ACER3: variants seen among roughly 807,000 people sequenced by gnomAD.
ACER3 encodes the protein alkaline ceramidase 3.
A neutral mutation model predicts 48.9 loss-of-function variants in ACER3; 16 were observed. The ratio of observed to expected loss-of-function variants is 0.33; its 90% CI spans 0.22 to 0.50. The LOEUF is 0.50. Ranked by LOEUF, ACER3 falls within the 20% of genes least tolerant of loss-of-function variation. The pLI is 0.98. For synonymous variants in ACER3, 109 were observed against 107.8 expected (o/e 1.01, Z -0.07); for missense variants, 227 against 326.0 (o/e 0.70, Z 2.34).
At chr11:76,995,343 G>A (rs569681164) in intron 6 of ACER3, among the ~76,000 whole-genome samples, 1 of 152,160 alleles carries the variant, frequency 6.6e-6, no homozygotes, top group East Asian at 1.9e-4. Flanking sequence ...ACTTCATTCA[G>A]GTCTCTGCTT....
In ACER3 at chr11:76,899,086, GAGAA is replaced by G. The variant is rs572015942; in HGVS notation, c.104-27468_104-27465del. Among the ~76,000 whole-genome samples the G allele has an allele frequency of 2.6e-5, 4 of 152,162 alleles. No homozygotes were observed. In the South Asian group the frequency reaches 8.3e-4, roughly 32 times the overall value. ...TGAAAACCCATGCCAAGATTTCAAA[GAGAA>G]AGCACTATTTGTTAATTAAAGAATA... On this transcript the variant is annotated intron_variant, in intron 1 of 10. Transcript: ENST00000532485.
At chr11:76,941,201 T>C (rs2134925103) in intron 2 of ACER3, among the ~76,000 whole-genome samples, 1 of 152,294 alleles carries the variant, frequency 6.6e-6, no homozygotes, top group South Asian at 2.1e-4. Flanking sequence ...CCATAACAAC[T>C]GCTTAACTGA....
intron 3 of ACER3, among the ~76,000 whole-genome samples, chr11:76,960,233 A>G (rs963886383): frequency 2.6e-5 from 4 of 151,772 alleles, no homozygotes; most frequent in African/African-American, 9.7e-5. Context: ...ACATGTGGAA[A>G]CCCCGTCTCT....
intron 1 of ACER3, among the ~76,000 whole-genome samples, chr11:76,875,824 G>A (rs946587381): frequency 1.6e-5 from 2 of 126,038 alleles, no homozygotes; most frequent in East Asian, 2.7e-4. Context: ...CAACCTCCCC[G>A]TCCCAGGTTC....
chr11:76,907,889 T>C (rs936700507), intron 1 of ACER3, among the ~76,000 whole-genome samples: 1 of 151,060 alleles, frequency 6.6e-6, no homozygotes, highest in Non-Finnish European at 1.5e-5. Context: ...AAAATAAAAA[T>C]AAGCCAATAA....
At chr11:76,981,901 A>G (rs953308060) in intron 4 of ACER3, among the ~76,000 whole-genome samples, 1 of 152,216 alleles carries the variant, frequency 6.6e-6, no homozygotes, top group Non-Finnish European at 1.5e-5. Context: ...TATACCTAGA[A>G]GTGGAATTTC....
chr11:76,930,511 T>G (rs1946967827), intron 2 of ACER3, among the ~76,000 whole-genome samples: 3 of 152,100 alleles, frequency 2.0e-5, no homozygotes, highest in Admixed American at 1.3e-4. Context: ...CTCTTAGCTT[T>G]TGAATGTGTT....
chr11:77,008,976 C>A (rs1949208240), intron 7 of ACER3, among the ~76,000 whole-genome samples: 1 of 152,160 alleles, frequency 6.6e-6, no homozygotes, highest in Admixed American at 6.5e-5. Context: ...GGGAGAATCA[C>A]TTGATCCCAG....
chr11:76,997,683 A>AC (rs1461684144), intron 6 of ACER3, among the ~76,000 whole-genome samples: 3 of 151,224 alleles, frequency 2.0e-5, no homozygotes, highest in Admixed American at 1.3e-4. Flanking sequence ...TAAAAAGAAA[A>AC]AAAATTAGCC....
chr11:76,910,879 T>C (rs1946362435), intron 1 of ACER3, among the ~76,000 whole-genome samples: 1 of 152,234 alleles, frequency 6.6e-6, no homozygotes, highest in Non-Finnish European at 1.5e-5. Context: ...GATTATTATA[T>C]GATAGAACAT....
At chr11:76,975,356 G>A (rs1948413751) in intron 3 of ACER3, among the ~76,000 whole-genome samples, 1 of 151,874 alleles carries the variant, frequency 6.6e-6, no homozygotes, top group Admixed American at 6.6e-5. Context: ...CTCTAAGATT[G>A]GTATCTACAA....
At chr11:76,979,411 G>T (rs1440705023) in intron 4 of ACER3, among the ~76,000 whole-genome samples, 1 of 152,162 alleles carries the variant, frequency 6.6e-6, no homozygotes, top group African/African-American at 2.4e-5. Context: ...GACCCATATG[G>T]TGTCAAGCCC....
rs781792877 is a variant in ACER3 at position 77,023,383 on chromosome 11, A to G, written c.*3056A>G. 2 of 379,324 alleles carry G rather than the reference A, an allele frequency of 5.3e-6. No homozygotes were observed. The highest frequency in any genetic ancestry group is 4.1e-5 in the African/African-American group (2 of 48,334). The allele number at this position is 379,324 out of a possible 1,614,324, so 23.5% of individuals were successfully genotyped here. On this transcript the variant is annotated 3_prime_UTR_variant, in exon 11 of 11. Coordinates refer to ENST00000532485, the MANE Select transcript of ACER3 (RefSeq NM_018367.7). ...AACCTTCAGGTACATAATGCATGAAAATCTTTAAATGCCTGCAAAAATTAA... is the reference window on the plus strand; with the variant it reads ...AACCTTCAGGTACATAATGCATGAAGATCTTTAAATGCCTGCAAAAATTAA...
chr11:76,992,578 A>G (rs1948825337), intron 6 of ACER3, among the ~76,000 whole-genome samples: 1 of 152,222 alleles, frequency 6.6e-6, no homozygotes, highest in South Asian at 2.1e-4. Flanking sequence ...CTAGGCCTAG[A>G]GATTAAAAAT....
rs782092813 is a variant in ACER3, at chr11:77,015,082, T to C, written c.564T>C (p.Phe188=). ...SLGIFLLGFL[F]WNIDNIFCES... ...GTATATTTTTATTGGGATTTTTATT[T>C]TGGAATATAGATAACATATTTTGTG... Residue 188 remains phenylalanine, a synonymous_variant, in exon 8 of 11, where the codon TTT becomes TTC. Coordinates refer to ENST00000532485, the MANE Select transcript of ACER3 (RefSeq NM_018367.7). The C allele has an allele frequency of 6.9e-6, 11 of 1,587,342 alleles. No individual in the cohort carries two copies. The highest frequency in any genetic ancestry group is 9.5e-6 in the Non-Finnish European group (11 of 1,156,032).
At chr11:76,988,484 G>A (rs915934419) in intron 5 of ACER3, among the ~76,000 whole-genome samples, 1 of 152,132 alleles carries the variant, frequency 6.6e-6, no homozygotes, top group Non-Finnish European at 1.5e-5. Flanking sequence ...TTCACATGGT[G>A]GCAGGAGAAA....
At chr11:77,013,322 A>C (rs1230598699) in intron 7 of ACER3, among the ~76,000 whole-genome samples, 1 of 152,210 alleles carries the variant, frequency 6.6e-6, no homozygotes, top group Non-Finnish European at 1.5e-5. Flanking sequence ...AATAAAAGGC[A>C]AGCCACAGAC....
intron 2 of ACER3, among the ~76,000 whole-genome samples, chr11:76,958,550 CTT>C (rs1476722177): frequency 6.6e-6 from 1 of 152,172 alleles, no homozygotes; most frequent in Non-Finnish European, 1.5e-5. Context: ...AGCAACAACT[CTT>C]TTTGCAGTCA....
chr11:76,895,167 A>C (rs1170165205), intron 1 of ACER3, among the ~76,000 whole-genome samples: 3 of 152,164 alleles, frequency 2.0e-5, no homozygotes, highest in African/African-American at 7.2e-5. Context: ...CTTCCTTTCT[A>C]CTATTAATGA....
Sources: gnomAD v4.1 joint callset for allele counts (sites outside exome capture counted in the v4.1 genomes callset) on GRCh38, gnomAD v4.1.1 for gene constraint, MANE v1.5 for transcripts, NCBI Gene and HGNC (gene_info 2026-07-23, HGNC 2026-07-21) for gene names.